C8orf34: variants seen among roughly 807,000 people sequenced by gnomAD.
C8orf34 encodes the protein uncharacterized protein C8orf34.
C8orf34 carries 65 observed loss-of-function variants against 68.3 expected under a neutral mutation model. That is an observed-to-expected ratio of 0.95 (90% confidence interval 0.78 to 1.17). The LOEUF is 1.17. C8orf34 is among the 50% of genes most tolerant of loss of function. The probability of loss-of-function intolerance (pLI) is 0.00; values close to 1 mark genes in which losing one functional copy is unlikely to be tolerated. For synonymous variants in C8orf34, 244 were observed against 241.2 expected, an observed-to-expected ratio of 1.01 and a Z score of -0.11; for missense variants, 664 against 655.4, an observed-to-expected ratio of 1.01 and a Z score of -0.14.
intron 1 of C8orf34, among the ~76,000 whole-genome samples, chr8:68,386,377 A>G (rs1235006741): frequency 1.3e-5 from 2 of 152,214 alleles, no homozygotes; most frequent in African/African-American, 2.4e-5. Context: ...TGAAGTATTT[A>G]GCAATATTAA....
chr8:68,370,220 C>T (rs899613976), intron 1 of C8orf34, among the ~76,000 whole-genome samples: 1 of 152,148 alleles, frequency 6.6e-6, no homozygotes, highest in African/African-American at 2.4e-5. Flanking sequence ...TGTAGGCTGC[C>T]CATCTATTCC....
chr8:68,702,363 A>C (rs1469676510), intron 8 of C8orf34, among the ~76,000 whole-genome samples: 1 of 152,152 alleles, frequency 6.6e-6, no homozygotes, highest in African/African-American at 2.4e-5. Flanking sequence ...ATATGAATGA[A>C]AACTTTCAAA....
At chr8:68,585,690 A>G (rs1049708459) in intron 7 of C8orf34, among the ~76,000 whole-genome samples, 1 of 151,958 alleles carries the variant, frequency 6.6e-6, no homozygotes, top group African/African-American at 2.4e-5. Flanking sequence ...TGGAGAGTCT[A>G]TTTCCAAGAA....
At chr8:68,388,872 T>A (rs1808367131) in intron 1 of C8orf34, among the ~76,000 whole-genome samples, 1 of 152,184 alleles carries the variant, frequency 6.6e-6, no homozygotes, top group Admixed American at 6.5e-5. Context: ...CTGATGCTGC[T>A]GGTCCAGGGA....
At chr8:68,495,227 G>A (rs1001696903) in intron 5 of C8orf34, among the ~76,000 whole-genome samples, 1 of 151,428 alleles carries the variant, frequency 6.6e-6, no homozygotes, top group African/African-American at 2.4e-5. Context: ...TTGAGTGGTA[G>A]TGAGTCTGTT....
intron 5 of C8orf34, among the ~76,000 whole-genome samples, chr8:68,518,872 G>A (rs1451882483): frequency 4.2e-5 from 5 of 120,212 alleles, no homozygotes; most frequent in African/African-American, 1.1e-4. Context: ...CCAGCCTGGC[G>A]ACAGAGCAAG....
At chr8:68,600,467 T>C (rs796118882) in intron 7 of C8orf34, among the ~76,000 whole-genome samples, 1 of 152,262 alleles carries the variant, frequency 6.6e-6, no homozygotes, top group African/African-American at 2.4e-5. Flanking sequence ...TATCATTTAC[T>C]TCCTGTTTTA....
chr8:68,356,355 G>A (rs1446924432), intron 1 of C8orf34, among the ~76,000 whole-genome samples: 1 of 151,792 alleles, frequency 6.6e-6, no homozygotes, highest in African/African-American at 2.4e-5. Context: ...CATATTTATT[G>A]GGTACTATAT....
intron 3 of C8orf34, among the ~76,000 whole-genome samples, chr8:68,454,789 T>C (rs1026436448): frequency 2.0e-5 from 3 of 152,004 alleles, no homozygotes; most frequent in African/African-American, 7.2e-5. Flanking sequence ...TTTTGGTAGC[T>C]TGGGTTTATT....
intron 1 of C8orf34, among the ~76,000 whole-genome samples, chr8:68,372,930 G>A (rs934026082): frequency 2.0e-4 from 30 of 152,202 alleles, no homozygotes; most frequent in African/African-American, 6.5e-4. Flanking sequence ...CCCCTTCCTT[G>A]CAAAGCACAG....
chr8:68,784,569 T>C (rs988233573), intron 11 of C8orf34, among the ~76,000 whole-genome samples: 1 of 152,220 alleles, frequency 6.6e-6, no homozygotes, highest in Non-Finnish European at 1.5e-5. Flanking sequence ...TTACATAAAT[T>C]ATTTGAAATG....
intron 7 of C8orf34, among the ~76,000 whole-genome samples, chr8:68,578,582 A>G (rs528449400): frequency 6.6e-6 from 1 of 152,090 alleles, no homozygotes; most frequent in African/African-American, 2.4e-5. Flanking sequence ...CAGGGAGATA[A>G]AAACCAATTA....
intron 1 of C8orf34, among the ~76,000 whole-genome samples, chr8:68,381,782 A>G (rs982612194): frequency 6.7e-6 from 1 of 149,644 alleles, no homozygotes; most frequent in Non-Finnish European, 1.5e-5. Context: ...TAAATGGCTT[A>G]CAAATTGAGG....
chr8:68,427,819 C>T (rs1810293234), intron 1 of C8orf34, among the ~76,000 whole-genome samples: 1 of 151,770 alleles, frequency 6.6e-6, no homozygotes, highest in Admixed American at 6.6e-5. Flanking sequence ...TATGGAACCC[C>T]TTTGCACATT....
intron 8 of C8orf34, among the ~76,000 whole-genome samples, chr8:68,640,716 A>G (rs947629196): frequency 6.6e-6 from 1 of 152,172 alleles, no homozygotes; most frequent in African/African-American, 2.4e-5. Context: ...AAGAGTTTAG[A>G]TTGTCTTCAC....
At chr8:68,648,020 C>G (rs1819232057) in intron 8 of C8orf34, among the ~76,000 whole-genome samples, 1 of 152,098 alleles carries the variant, frequency 6.6e-6, no homozygotes, top group Non-Finnish European at 1.5e-5. Flanking sequence ...TAAAATAAGC[C>G]TTTATAAAAC....
chr8:68,565,320 A>T (rs536485438), intron 7 of C8orf34, among the ~76,000 whole-genome samples: 17 of 152,240 alleles, frequency 1.1e-4, no homozygotes, highest in African/African-American at 3.9e-4. Flanking sequence ...TGGTTAACTT[A>T]TTCTCACTAC....
chr8:68,430,080 A>G (rs1810390377), intron 1 of C8orf34, among the ~76,000 whole-genome samples: 1 of 152,102 alleles, frequency 6.6e-6, no homozygotes, highest in South Asian at 2.1e-4. Flanking sequence ...CCCAACCCAA[A>G]AGCTCCTAAG....
In C8orf34 at chr8:68,442,062, A is replaced by T. The variant is rs992171813; in HGVS notation, c.475+2416A>T. The stretch of plus-strand genomic sequence containing the variant: ...AATAATAAGAGTGAAAGAATAAAGG[A>T]AGATGTGGGTAAAATTTATAGTTAG... On this transcript the variant is annotated intron_variant, in intron 2 of 13. Transcript: ENST00000518698. Among the ~76,000 whole-genome samples, 30 of 152,152 alleles carry T rather than the reference A, an allele frequency of 2.0e-4. 1 individual carries two copies. Among genetic ancestry groups the T allele is most frequent in the African/African-American group, 6.0e-4 (25 of 41,430 alleles).
Sources: allele counts gnomAD v4.1 joint callset (sites outside exome capture counted in the v4.1 genomes callset), GRCh38; gene constraint gnomAD v4.1.1; transcripts MANE v1.5; gene names NCBI Gene and HGNC (gene_info 2026-07-23, HGNC 2026-07-21).